CDH12: variants seen among roughly 807,000 people sequenced by gnomAD.
CDH12 encodes cadherin-12.
Under a neutral mutation model 74.1 loss-of-function variants are expected in CDH12, and 41 were observed. That is an observed-to-expected ratio of 0.55 (90% CI 0.43 to 0.72). The LOEUF is 0.72. CDH12 is among the 30% of genes least tolerant of loss of function. The pLI is 0.00. For missense variants in CDH12, 945 were observed against 977.2 expected (o/e 0.97, Z 0.44); for synonymous variants, 399 against 355.0 (o/e 1.12, Z -1.39).
rs569210020 is a variant in CDH12 at position 22,156,213 on chromosome 5, A to G, written c.-187+56285T>C. ...ATGTCTCATCAGAAGTCAGTTTCTA[A>G]CCTTCTTCTGTCTGTAGACAAGCAT... On this transcript the variant is annotated intron_variant, in intron 4 of 14. Transcript: ENST00000382254. Among the ~76,000 whole-genome samples, 56 of 152,220 alleles carry G rather than the reference A, an allele frequency of 3.7e-4. No homozygotes were observed. The East Asian group carries it at 5.4e-3, about 15-fold the overall frequency.
At chr5:22,001,533 T>A (rs2150144275) in intron 5 of CDH12, among the ~76,000 whole-genome samples, 1 of 152,228 alleles carries the variant, frequency 6.6e-6, no homozygotes, top group Middle Eastern at 3.4e-3. Flanking sequence ...CAGGAGTACA[T>A]GTGCAGGTAA....
intron 9 of CDH12, among the ~76,000 whole-genome samples, chr5:21,808,215 G>A (rs13190130): frequency 4.0e-5 from 6 of 151,886 alleles, no homozygotes; most frequent in East Asian, 3.9e-4. Context: ...AGACTCCAAG[G>A]CTTAGATTGG....
intron 3 of CDH12, among the ~76,000 whole-genome samples, chr5:22,331,531 T>A (rs1039693932): frequency 3.9e-5 from 6 of 152,192 alleles, no homozygotes; most frequent in African/African-American, 1.4e-4. Flanking sequence ...CCTAAGTCTC[T>A]TTGAATACCT....
At chr5:22,796,559 G>T (rs1374683047) in intron 1 of CDH12, among the ~76,000 whole-genome samples, 3 of 104,484 alleles carry the variant, frequency 2.9e-5, no homozygotes, top group Non-Finnish European at 5.2e-5. Flanking sequence ...TCGCTCTGTC[G>T]CCCAGGCTGG....
chr5:22,559,227 T>C (rs1355848686), intron 1 of CDH12, among the ~76,000 whole-genome samples: 2 of 152,076 alleles, frequency 1.3e-5, no homozygotes, highest in Non-Finnish European at 2.9e-5. Context: ...CTAGCTAGGC[T>C]GGTTGTACAG....
chr5:22,341,744 A>G (rs1307024826), intron 3 of CDH12, among the ~76,000 whole-genome samples: 1 of 152,096 alleles, frequency 6.6e-6, no homozygotes, highest in Non-Finnish European at 1.5e-5. Context: ...GTATAAGATC[A>G]TTTCACTGTT....
chr5:21,801,655 T>C (rs1293116102), intron 10 of CDH12, among the ~76,000 whole-genome samples: 1 of 152,214 alleles, frequency 6.6e-6, no homozygotes, highest in Non-Finnish European at 1.5e-5. Flanking sequence ...ACTCTAACTG[T>C]GTCTCTACTC....
intron 6 of CDH12, among the ~76,000 whole-genome samples, chr5:21,929,884 G>T (rs1207203520): frequency 6.6e-6 from 1 of 152,100 alleles, no homozygotes; most frequent in Non-Finnish European, 1.5e-5. Context: ...CCTGGGCAAA[G>T]ATGACAGATA....
At chr5:22,337,344 G>A (rs1307999346) in intron 3 of CDH12, among the ~76,000 whole-genome samples, 2 of 152,166 alleles carry the variant, frequency 1.3e-5, no homozygotes, top group Non-Finnish European at 2.9e-5. Flanking sequence ...GGCATGATTG[G>A]TTTTGAAATG....
At chr5:22,761,435 C>T (rs534003329) in intron 1 of CDH12, among the ~76,000 whole-genome samples, 3 of 152,140 alleles carry the variant, frequency 2.0e-5, no homozygotes, top group African/African-American at 7.2e-5. Context: ...ATGCATGCCA[C>T]GGTGTGCCCC....
At chr5:22,028,203 G>A (rs1055829156) in intron 5 of CDH12, among the ~76,000 whole-genome samples, 3 of 152,094 alleles carry the variant, frequency 2.0e-5, no homozygotes, top group African/African-American at 7.2e-5. Flanking sequence ...AATGACACAA[G>A]ACAGGGATGC....
chr5:21,979,451 C>T (rs958002627), intron 5 of CDH12, among the ~76,000 whole-genome samples: 1 of 152,174 alleles, frequency 6.6e-6, no homozygotes, highest in Non-Finnish European at 1.5e-5. Context: ...AAAAGATACC[C>T]TGCTCCAGCT....
chr5:22,394,323 A>T (rs1304020621), intron 3 of CDH12, among the ~76,000 whole-genome samples: 2 of 152,134 alleles, frequency 1.3e-5, no homozygotes, highest in Non-Finnish European at 2.9e-5. Context: ...TGAGACTGTT[A>T]TAGCAGACAT....
intron 7 of CDH12, among the ~76,000 whole-genome samples, chr5:21,851,916 G>A (rs1750486724): frequency 6.6e-6 from 1 of 151,222 alleles, no homozygotes; most frequent in African/African-American, 2.4e-5. Context: ...AGGCACCAGA[G>A]GTTTTGATGA....
intron 6 of CDH12, among the ~76,000 whole-genome samples, chr5:21,967,297 G>T (rs1451322850): frequency 3.3e-5 from 5 of 152,054 alleles, no homozygotes; most frequent in African/African-American, 1.2e-4. Context: ...CTGCTTTTGT[G>T]TACAAAATAT....
intron 6 of CDH12, among the ~76,000 whole-genome samples, chr5:21,932,821 AAGAT>A (rs1754904476): frequency 6.6e-6 from 1 of 151,172 alleles, no homozygotes; most frequent in South Asian, 2.1e-4. Context: ...TCAAAAAAAA[AAGAT>A]AGTAGCAAAT....
Position 22,776,175 on chromosome 5 carries a change from T to C in CDH12, c.-523+76883A>G, listed in dbSNP as rs943116292. Reference sequence around the variant, plus strand: ...GGTCAGCATGTACATGGAGTGAGGATATTTATCTATTTCTTGGACAGGTTA... The same window carrying C: ...GGTCAGCATGTACATGGAGTGAGGACATTTATCTATTTCTTGGACAGGTTA... On this transcript the variant is annotated intron_variant, in intron 1 of 14. Transcript: ENST00000382254. 3.4e-4 allele frequency among the ~76,000 whole-genome samples: 51 copies of C among 152,134 alleles called. 1 individual carries two copies. The highest frequency in any genetic ancestry group is 3.1e-3 in the Admixed American group (48 of 15,244).
intron 1 of CDH12, among the ~76,000 whole-genome samples, chr5:22,695,891 T>A (rs1742331911): frequency 6.6e-6 from 1 of 152,222 alleles, no homozygotes; most frequent in Admixed American, 6.5e-5. Flanking sequence ...AGTCTGAAAT[T>A]ATGAATTAAA....
intron 1 of CDH12, among the ~76,000 whole-genome samples, chr5:22,641,095 C>T (rs1561546018): frequency 6.6e-6 from 1 of 152,122 alleles, no homozygotes; most frequent in African/African-American, 2.4e-5. Context: ...GATGTAGACA[C>T]ATGAGAGGAT....
Sources: gnomAD v4.1 joint callset for allele counts (sites outside exome capture counted in the v4.1 genomes callset) on GRCh38, gnomAD v4.1.1 for gene constraint, MANE v1.5 for transcripts, NCBI Gene and HGNC (gene_info 2026-07-23, HGNC 2026-07-21) for gene names.